ZNF837: variants seen among roughly 807,000 people sequenced by gnomAD.
ZNF837 encodes the protein zinc finger protein 837.
For missense variants in ZNF837, 955 were observed against 801.7 expected (o/e 1.19, Z -2.31); for synonymous variants, 475 against 365.2 (o/e 1.30, Z -3.43).
intron 1 of ZNF837, among the ~76,000 whole-genome samples, chr19:58,378,827 G>T (rs2052269131): frequency 6.6e-6 from 1 of 152,188 alleles, no homozygotes; most frequent in Non-Finnish European, 1.5e-5. Flanking sequence ...ACACGGAGAA[G>T]AGTGGTCCAT....
At chr19:58,375,376 A>G (rs192087174) in intron 1 of ZNF837, among the ~76,000 whole-genome samples, 1,664 of 147,932 alleles carry the variant, frequency 0.011, 34 homozygotes, top group African/African-American at 0.04. Flanking sequence ...AGAGATATAT[A>G]TATACTAAAA....
rs777688828 is a variant in ZNF837 at position 58,367,732 on chromosome 19, T to C, written c.*5A>G. 6 of 1,507,770 alleles carry C rather than the reference T, an allele frequency of 4.0e-6. No homozygotes were observed. Among genetic ancestry groups the C allele is most frequent in the Admixed American group, 2.3e-5 (1 of 43,988 alleles). 93.4% of individuals were successfully genotyped at this position (1,507,770 alleles called of 1,614,324 possible). The stretch of plus-strand genomic sequence containing the variant: ...GGCGACGCGTCGACTCTCGGCTCCC[T>C]GCAGTCAAGGCGCGGCGCGGCCCCC... On this transcript the variant is annotated 3_prime_UTR_variant, in exon 3 of 3. Coordinates refer to ENST00000597582, the MANE Select transcript of ZNF837 (RefSeq NM_138466.2).
rs770774661 is a variant in ZNF837 at position 58,367,746 on chromosome 19, G to A, written c.1587C>T (p.Ala529=). ...NEHRKRHGGR[A]AP ...TCTCGGCTCCCTGCAGTCAAGGCGCGGCGCGGCCCCCGTGCCGCTTCCGGT... is the reference window on the plus strand; with the variant it reads ...TCTCGGCTCCCTGCAGTCAAGGCGCAGCGCGGCCCCCGTGCCGCTTCCGGT... Residue 529 remains alanine (A), a synonymous_variant, in exon 3 of 3, where the codon GCC becomes GCT. Coordinates refer to ENST00000597582, the MANE Select transcript of ZNF837 (RefSeq NM_138466.2). The A allele has an allele frequency of 3.1e-5, 47 of 1,522,104 alleles. No individual in the cohort carries two copies. In the African/African-American group the frequency reaches 6.1e-4, roughly 20 times the overall value. 94.3% of individuals were successfully genotyped at this position (1,522,104 alleles called of 1,614,324 possible).
At chr19:58,375,433 T>TTTTTGTTTTG (rs570461413) in intron 1 of ZNF837, among the ~76,000 whole-genome samples, 1 of 150,494 alleles carries the variant, frequency 6.6e-6, no homozygotes, top group Non-Finnish European at 1.5e-5. Context: ...GATTTATATA[T>TTTTTGTTTTG]TTTTGTTTTG....
At chr19:58,373,077 T>A (rs1873812075) in intron 1 of ZNF837, among the ~76,000 whole-genome samples, 1 of 152,216 alleles carries the variant, frequency 6.6e-6, no homozygotes, top group African/African-American at 2.4e-5. Flanking sequence ...ACAACCCTCC[T>A]GTCCCCTCCA....
intron 1 of ZNF837, among the ~76,000 whole-genome samples, chr19:58,371,909 G>A (rs540027344): frequency 2.3e-4 from 35 of 151,754 alleles, no homozygotes; most frequent in African/African-American, 7.0e-4. Context: ...TTTTAGTAGA[G>A]ATGGGGTTTC....
At position 58,367,627 on chromosome 19, in the gene ZNF837, C is replaced by G. The variant is rs1301355450; in HGVS notation, c.*110G>C. ...GGGAAGCCTGTGGACGCCATGTGTA[C>G]AAAGTGAAGTTTAATCAAAGTTACA... On this transcript the variant is annotated 3_prime_UTR_variant, in exon 3 of 3. Transcript: ENST00000597582. 2.9e-6 allele frequency: 4 copies of G among 1,372,990 alleles called. No individual in the cohort carries two copies. The highest frequency in any genetic ancestry group is 3.8e-6 in the Non-Finnish European group (4 of 1,048,944). The allele number at this position is 1,372,990 out of a possible 1,614,324, so 85.1% of individuals were successfully genotyped here. A position where few individuals can be genotyped will look rare whatever the true frequency, so the allele number is the denominator to read the frequency against.
chr19:58,376,322 G>A (rs2052245209), intron 1 of ZNF837, among the ~76,000 whole-genome samples: 2 of 151,988 alleles, frequency 1.3e-5, no homozygotes, highest in Admixed American at 1.3e-4. Flanking sequence ...GGAGGCCGAG[G>A]CGGGCGGATC....
chr19:58,376,069 C>T (rs565965235), intron 1 of ZNF837, among the ~76,000 whole-genome samples: 8 of 152,060 alleles, frequency 5.3e-5, no homozygotes, highest in African/African-American at 1.4e-4. Context: ...CAGGTGCCTG[C>T]CCCCACGCCC....
chr19:58,380,133 C>A (rs1219928277), intron 1 of ZNF837, among the ~76,000 whole-genome samples: 1 of 152,196 alleles, frequency 6.6e-6, no homozygotes, highest in Admixed American at 6.5e-5. Flanking sequence ...CCAACCTCAC[C>A]CACACTGACA....
At chr19:58,371,570 G>A (rs531122070) in intron 1 of ZNF837, among the ~76,000 whole-genome samples, 7 of 152,248 alleles carry the variant, frequency 4.6e-5, no homozygotes, top group African/African-American at 1.4e-4. Flanking sequence ...TCTGAATCCC[G>A]GATGGCTAAC....
In ZNF837 at chr19:58,375,291, TATATATATATATATATATATAA is replaced by T. The variant is rs1348839565; in HGVS notation, c.-139-5385_-139-5364del. ...AAAAGTATATATATATATATATATA[TATATATATATATATATATATAA>T]AATTACATATATACTTAAGAGTATA... On this transcript the variant is annotated intron_variant, in intron 1 of 2. Coordinates refer to ENST00000597582, the MANE Select transcript of ZNF837 (RefSeq NM_138466.2). 7.4e-4 allele frequency among the ~76,000 whole-genome samples: 53 copies of T among 71,920 alleles called. 2 individuals carry two copies. The highest frequency in any genetic ancestry group is 1.4e-3 in the South Asian group (3 of 2,136). 47.2% of individuals were successfully genotyped at this position (71,920 alleles called of 152,430 possible). A position where few individuals can be genotyped will look rare whatever the true frequency, so the allele number is the denominator to read the frequency against.
chr19:58,371,083 T>C (rs887868936), intron 1 of ZNF837, among the ~76,000 whole-genome samples: 2 of 150,922 alleles, frequency 1.3e-5, no homozygotes, highest in African/African-American at 4.9e-5. Context: ...CTACTAAAAA[T>C]ACAAAAAATT....
Position 58,368,427 on chromosome 19 carries a change from G to C in ZNF837, c.906C>G (p.Ala302=), listed in dbSNP as rs1409941200. ...AGCGCACGAAGGCCTTGCCGCACTC[G>C]GCGCACTCGTAGGGCCGCTCGCCCG... ...IHTGERPYEC[A]ECGKAFVRCS... Residue 302 remains alanine (A), a synonymous_variant, in exon 3 of 3, where the codon GCC becomes GCG. Transcript: ENST00000597582. 2 of 1,553,310 alleles carry C rather than the reference G, an allele frequency of 1.3e-6. No homozygotes were observed. Among genetic ancestry groups the C allele is most frequent in the Non-Finnish European group, 1.7e-6 (2 of 1,151,748 alleles).
intron 1 of ZNF837, among the ~76,000 whole-genome samples, chr19:58,376,205 C>T (rs1009719610): frequency 2.6e-5 from 4 of 152,156 alleles, no homozygotes; most frequent in African/African-American, 9.6e-5. Context: ...CAGGCACAAG[C>T]CACTGCGCCC....
intron 1 of ZNF837, among the ~76,000 whole-genome samples, chr19:58,374,018 T>C (rs569711548): frequency 1.6e-4 from 25 of 152,324 alleles, no homozygotes; most frequent in African/African-American, 5.8e-4. Flanking sequence ...GCACCATCCA[T>C]GCTCAGTGTT....
In ZNF837 at chr19:58,367,930, AGGCGCTCGTGCT is replaced by A; in HGVS notation, c.1391_1402del (p.Gln464_Arg467del). 6.5e-7 allele frequency: 1 copy of A among 1,534,118 alleles called. No individual in the cohort carries two copies. The highest frequency in any genetic ancestry group is 8.7e-7 in the Non-Finnish European group (1 of 1,144,092). On this transcript the variant is annotated inframe_deletion, in exon 3 of 3. Transcript: ENST00000597582. ...GATGTAGGGCTTCTCGCCCGAGTGC[AGGCGCTCGTGCT>A]GGCGCAGCTCGGAGCAGCCGCGGAA...
At chr19:58,375,101 A>G (rs1240799954) in intron 1 of ZNF837, among the ~76,000 whole-genome samples, 1 of 148,420 alleles carries the variant, frequency 6.7e-6, no homozygotes, top group South Asian at 2.1e-4. Flanking sequence ...TATACTAAAA[A>G]TATGAAAATT....
intron 1 of ZNF837, among the ~76,000 whole-genome samples, chr19:58,375,154 G>A (rs2052230919): frequency 6.9e-6 from 1 of 145,950 alleles, no homozygotes; most frequent in Non-Finnish European, 1.5e-5. Flanking sequence ...AGCTACTTGA[G>A]AGGCTGAGGC....
Sources: gnomAD v4.1 joint callset for allele counts (sites outside exome capture counted in the v4.1 genomes callset) on GRCh38, gnomAD v4.1.1 for gene constraint, MANE v1.5 for transcripts, NCBI Gene and HGNC (gene_info 2026-07-23, HGNC 2026-07-21) for gene names.